CNTNAP4: variants seen among roughly 807,000 people sequenced by gnomAD.
CNTNAP4 encodes contactin-associated protein-like 4.
Under a neutral mutation model 148.4 loss-of-function variants are expected in CNTNAP4, and 98 were observed. The ratio of observed to expected loss-of-function variants is 0.66; its 90% confidence interval spans 0.56 to 0.78. CNTNAP4 has a LOEUF of 0.78. CNTNAP4 is among the 30% of genes least tolerant of loss of function. The pLI, the probability that CNTNAP4 is intolerant of heterozygous loss-of-function variation, is 0.00. For missense variants in CNTNAP4, 1,935 were observed against 1,565.6 expected (o/e 1.24, Z -3.98); for synonymous variants, 730 against 565.1 (o/e 1.29, Z -4.14).
chr16:76,333,158 G>C lies in CNTNAP4; in HGVS notation c.196+16635G>C, dbSNP rs534383163. Among the ~76,000 whole-genome samples the C allele has an allele frequency of 5.3e-5, 8 of 152,318 alleles. No homozygotes were observed. In the East Asian group the frequency reaches 1.4e-3, roughly 26 times the overall value. On this transcript the variant is annotated intron_variant, in intron 2 of 23. Transcript: ENST00000611870. ...TTGTCACCTAGAAATCTCTGGGCTA[G>C]GGTTAGTAGTCCCCAGGTCAGGTCG...
At chr16:76,288,336 T>C (rs759510118) in intron 1 of CNTNAP4, among the ~76,000 whole-genome samples, 11 of 152,180 alleles carry the variant, frequency 7.2e-5, no homozygotes, top group Non-Finnish European at 1.5e-4. Flanking sequence ...GTCTCAGGTA[T>C]GTCTTCATAG....
chr16:76,428,795 A>G (rs1002120728), intron 4 of CNTNAP4, among the ~76,000 whole-genome samples: 5 of 152,190 alleles, frequency 3.3e-5, no homozygotes, highest in African/African-American at 4.8e-5. Flanking sequence ...ATTCCTTTCT[A>G]TAACTGTAGA....
chr16:76,542,832 A>G (rs12924274), intron 21 of CNTNAP4, among the ~76,000 whole-genome samples: 11,790 of 152,258 alleles, frequency 0.077, 501 homozygotes, highest in South Asian at 0.11. Flanking sequence ...GAGTGGAATT[A>G]TAAGCTGATA....
At chr16:76,342,935 C>G (rs199905652) in intron 2 of CNTNAP4, among the ~76,000 whole-genome samples, 1 of 152,158 alleles carries the variant, frequency 6.6e-6, no homozygotes, top group East Asian at 1.9e-4. Flanking sequence ...TTCACAATTA[C>G]TGTAGCTCTC....
chr16:76,388,227 G>T (rs909451819), intron 3 of CNTNAP4, among the ~76,000 whole-genome samples: 1 of 152,208 alleles, frequency 6.6e-6, no homozygotes, highest in Non-Finnish European at 1.5e-5. Flanking sequence ...CAGCACTGCT[G>T]TTCATTTCAT....
At chr16:76,557,672 T>A (rs1036853206) in intron 23 of CNTNAP4, 15 of 152,320 alleles carry the variant, frequency 9.8e-5, no homozygotes, top group Middle Eastern at 3.4e-3. Flanking sequence ...TGTCCTTGCG[T>A]TAATTTGTGC....
intron 15 of CNTNAP4, among the ~76,000 whole-genome samples, chr16:76,518,283 A>T (rs139773887): frequency 6.6e-4 from 101 of 152,146 alleles, no homozygotes; most frequent in African/African-American, 2.2e-3. Flanking sequence ...ATCTGCCACA[A>T]TGCCTGGCTA....
At chr16:76,313,365 A>T (rs1392367769) in intron 1 of CNTNAP4, among the ~76,000 whole-genome samples, 1 of 152,188 alleles carries the variant, frequency 6.6e-6, no homozygotes, top group Non-Finnish European at 1.5e-5. Context: ...TCCTAGTTCT[A>T]GTAAACACAC....
intron 14 of CNTNAP4, among the ~76,000 whole-genome samples, chr16:76,497,328 A>G (rs1354814194): frequency 1.3e-5 from 2 of 152,338 alleles, no homozygotes; most frequent in Admixed American, 6.5e-5. Context: ...GTTAAAAAAC[A>G]TAATGTCTAA....
In CNTNAP4 at chr16:76,467,435, G is replaced by C. The variant is rs766264146; in HGVS notation, c.1567G>C (p.Gly523Arg). Residue 523 changes from glycine (G) to arginine (R), a missense_variant, in exon 10 of 24, where the codon GGC becomes CGC. Transcript: ENST00000611870. ...QGCMRLISIS[G>R]KVVDLISVQQ... ...ATGTATGAGGCTCATTTCTATCAGC[G>C]GCAAAGTGGTAGATCTGATTTCAGT... 10 of 1,613,740 alleles carry C rather than the reference G, an allele frequency of 6.2e-6. No homozygotes were observed. Among genetic ancestry groups the C allele is most frequent in the Non-Finnish European group, 8.5e-6 (10 of 1,179,784 alleles).
At chr16:76,384,855 T>C (rs1567951513) in intron 3 of CNTNAP4, among the ~76,000 whole-genome samples, 1 of 152,166 alleles carries the variant, frequency 6.6e-6, no homozygotes, top group Non-Finnish European at 1.5e-5. Flanking sequence ...AAATACCTAA[T>C]ATAAGGTAAA....
chr16:76,407,065 T>C (rs988540561), intron 3 of CNTNAP4, among the ~76,000 whole-genome samples: 3 of 152,188 alleles, frequency 2.0e-5, no homozygotes, highest in Admixed American at 2.0e-4. Flanking sequence ...AGGCTGACTC[T>C]CTTGTCAGAG....
At chr16:76,419,095 G>A (rs1367995145) in intron 3 of CNTNAP4, among the ~76,000 whole-genome samples, 1 of 151,990 alleles carries the variant, frequency 6.6e-6, no homozygotes, top group Non-Finnish European at 1.5e-5. Flanking sequence ...AAGTGTTTCA[G>A]TGGGTTGTTG....
rs1217221141 is a variant in CNTNAP4, at chr16:76,559,002, A to G, written c.*319A>G. ...TGTAGCCTTGGTCTCTTAACCATGT[A>G]ATACATAAGTTTTGTTAGAGGTAAA... is the stretch of plus-strand genomic sequence containing the variant. On this transcript the variant is annotated 3_prime_UTR_variant, in exon 24 of 24. Transcript: ENST00000611870. The G allele has an allele frequency of 5.7e-6, 1 of 176,454 alleles. No individual in the cohort carries two copies. Among genetic ancestry groups the G allele is most frequent in the Non-Finnish European group, 1.2e-5 (1 of 84,392 alleles). 10.9% of individuals were successfully genotyped at this position (176,454 alleles called of 1,614,324 possible).
chr16:76,353,660 G>A (rs1182999898), intron 2 of CNTNAP4, among the ~76,000 whole-genome samples: 1 of 152,018 alleles, frequency 6.6e-6, no homozygotes. Context: ...GCCCTATCCT[G>A]CTTGTCATAC....
intron 17 of CNTNAP4, among the ~76,000 whole-genome samples, chr16:76,529,195 G>C (rs1009004075): frequency 6.6e-6 from 1 of 152,032 alleles, no homozygotes; most frequent in Non-Finnish European, 1.5e-5. Flanking sequence ...TTTGTTCTTA[G>C]TTGTGACATT....
At chr16:76,489,105 A>G (rs1258238070) in intron 12 of CNTNAP4, among the ~76,000 whole-genome samples, 1 of 152,168 alleles carries the variant, frequency 6.6e-6, no homozygotes, top group African/African-American at 2.4e-5. Context: ...GATTAAGGAG[A>G]GGTATATAGA....
At chr16:76,409,408 T>C (rs982132483) in intron 3 of CNTNAP4, among the ~76,000 whole-genome samples, 2 of 151,928 alleles carry the variant, frequency 1.3e-5, no homozygotes, top group Non-Finnish European at 2.9e-5. Context: ...TGCATACAAA[T>C]ATCTATAAAA....
chr16:76,521,450 A>G, intron 16 of CNTNAP4, 140 bp downstream of exon 16: 1 of 605,322 alleles, frequency 1.7e-6, no homozygotes, highest in Non-Finnish European at 2.7e-6. Context: ...CAATAATATT[A>G]ACTTATCCTG....
Sources: gnomAD v4.1 joint callset for allele counts (sites outside exome capture counted in the v4.1 genomes callset) on GRCh38, gnomAD v4.1.1 for gene constraint, MANE v1.5 for transcripts, NCBI Gene and HGNC (gene_info 2026-07-23, HGNC 2026-07-21) for gene names.